The following KCNB2 variants were observed in gnomAD, a reference collection of about 807,000 sequenced individuals.
KCNB2 encodes delayed rectifier potassium channel protein.
In KCNB2, 15 loss-of-function variants were observed where a neutral mutation model predicts 61.5. The ratio of observed to expected loss-of-function variants is 0.24; its 90% CI spans 0.16 to 0.38. The LOEUF is 0.38. Ranked by LOEUF, KCNB2 falls within the 10% of genes least tolerant of loss-of-function variation. KCNB2 has a pLI of 1.00. For missense variants in KCNB2, 828 were observed against 1,125.2 expected, an observed-to-expected ratio of 0.74 and a Z score of 3.78; for synonymous variants, 457 against 446.0, an observed-to-expected ratio of 1.02 and a Z score of -0.31.
chr8:72,667,353 T>C (rs1806493764), intron 2 of KCNB2, among the ~76,000 whole-genome samples: 2 of 152,204 alleles, frequency 1.3e-5, no homozygotes, highest in Admixed American at 1.3e-4. Context: ...TAAGTATTAT[T>C]CATCTGTCCA....
intron 2 of KCNB2, among the ~76,000 whole-genome samples, chr8:72,736,360 C>T (rs999766681): frequency 1.3e-5 from 2 of 152,072 alleles, no homozygotes; most frequent in African/African-American, 2.4e-5. Context: ...TCTATTTTGA[C>T]GATGGAGAAC....
intron 2 of KCNB2, among the ~76,000 whole-genome samples, chr8:72,656,161 A>T (rs1412482728): frequency 6.6e-6 from 1 of 152,122 alleles, no homozygotes; most frequent in Admixed American, 6.6e-5. Context: ...CAGCACTGGG[A>T]CTTTCAGACC....
intron 2 of KCNB2, among the ~76,000 whole-genome samples, chr8:72,820,861 T>A (rs181608369): frequency 6.6e-6 from 1 of 152,324 alleles, no homozygotes; most frequent in African/African-American, 2.4e-5. Flanking sequence ...GTTCACTGGT[T>A]CTGCTAGTGT....
intron 2 of KCNB2, among the ~76,000 whole-genome samples, chr8:72,800,291 T>C (rs1302936663): frequency 3.3e-5 from 5 of 152,168 alleles, no homozygotes; most frequent in African/African-American, 1.2e-4. Context: ...ACTATCCTCC[T>C]TCAAGAAAAC....
At chr8:72,909,783 AGAG>A (rs1468794871) in intron 2 of KCNB2, among the ~76,000 whole-genome samples, 1 of 152,146 alleles carries the variant, frequency 6.6e-6, no homozygotes, top group African/African-American at 2.4e-5. Context: ...TAAGGGAAGA[AGAG>A]ATGAGGAATC....
At chr8:72,626,252 G>C (rs1422900237) in intron 2 of KCNB2, among the ~76,000 whole-genome samples, 1 of 152,122 alleles carries the variant, frequency 6.6e-6, no homozygotes, top group Non-Finnish European at 1.5e-5. Flanking sequence ...GAATACACAG[G>C]CCACAGTCCA....
At chr8:72,757,727 C>T (rs1482504184) in intron 2 of KCNB2, among the ~76,000 whole-genome samples, 2 of 152,126 alleles carry the variant, frequency 1.3e-5, no homozygotes, top group Non-Finnish European at 1.5e-5. Context: ...ATTTGAGCCT[C>T]CTTGTAGAAG....
At chr8:72,924,582 C>A (rs979636779) in intron 2 of KCNB2, among the ~76,000 whole-genome samples, 4 of 152,056 alleles carry the variant, frequency 2.6e-5, no homozygotes, top group African/African-American at 9.7e-5. Context: ...CATAACAGAA[C>A]CCAGGAGCAG....
intron 2 of KCNB2, among the ~76,000 whole-genome samples, chr8:72,887,311 A>G (rs1426143118): frequency 6.6e-6 from 1 of 152,184 alleles, no homozygotes; most frequent in Non-Finnish European, 1.5e-5. Flanking sequence ...CTACTTAGTG[A>G]CCAACCTTCC....
intron 2 of KCNB2, among the ~76,000 whole-genome samples, chr8:72,864,091 A>G (rs1045905065): frequency 5.3e-5 from 8 of 152,170 alleles, no homozygotes; most frequent in Non-Finnish European, 1.2e-4. Flanking sequence ...TCTCAAACCA[A>G]ACTCCAGACT....
chr8:72,918,289 C>T (rs184277848), intron 2 of KCNB2, among the ~76,000 whole-genome samples: 328 of 152,290 alleles, frequency 2.2e-3, no homozygotes, highest in Non-Finnish European at 3.8e-3. Flanking sequence ...GCTTTGTTCT[C>T]TTGTCTACTT....
At chr8:72,850,345 G>A (rs977949232) in intron 2 of KCNB2, among the ~76,000 whole-genome samples, 3 of 151,920 alleles carry the variant, frequency 2.0e-5, no homozygotes, top group South Asian at 2.1e-4. Context: ...TCAGCATCCC[G>A]AGTAACTGGA....
intron 1 of KCNB2, among the ~76,000 whole-genome samples, chr8:72,545,590 T>C (rs999483980): frequency 2.0e-5 from 3 of 152,090 alleles, no homozygotes; most frequent in African/African-American, 7.2e-5. Context: ...TCTCTCCCTC[T>C]GCTTGGGCCT....
intron 2 of KCNB2, among the ~76,000 whole-genome samples, chr8:72,934,320 G>A (rs1806854306): frequency 1.3e-5 from 2 of 148,788 alleles, no homozygotes; most frequent in South Asian, 2.1e-4. Flanking sequence ...GTTGCAGTGA[G>A]CTAGTGAGCT....
At chr8:72,727,395 C>A (rs1807670158) in intron 2 of KCNB2, among the ~76,000 whole-genome samples, 1 of 152,124 alleles carries the variant, frequency 6.6e-6, no homozygotes, top group Non-Finnish European at 1.5e-5. Flanking sequence ...GACTTTTGCT[C>A]CTCTTTTCTT....
At chr8:72,663,010 C>T (rs1563552460) in intron 2 of KCNB2, among the ~76,000 whole-genome samples, 2 of 152,148 alleles carry the variant, frequency 1.3e-5, no homozygotes, top group African/African-American at 4.8e-5. Context: ...ACCTGAGCTC[C>T]TCCCTACCAT....
At chr8:72,909,816 C>A (rs374228594) in intron 2 of KCNB2, among the ~76,000 whole-genome samples, 8 of 152,092 alleles carry the variant, frequency 5.3e-5, no homozygotes, top group Non-Finnish European at 1.0e-4. Flanking sequence ...TGCATCACTA[C>A]GGGATGGTGG....
chr8:72,619,093 AT>A, intron 2 of KCNB2: 3 of 290,886 alleles, frequency 1.0e-5, no homozygotes, highest in Non-Finnish European at 6.7e-6. Context: ...TCTTTTTGAC[AT>A]TTTTCCAATA....
chr8:72,615,302 C>T (rs964597211), intron 2 of KCNB2, among the ~76,000 whole-genome samples: 4 of 152,182 alleles, frequency 2.6e-5, no homozygotes. Flanking sequence ...TGTGAAAGCA[C>T]TTGGCAACCT....
Sources: gnomAD v4.1 joint callset for allele counts (sites outside exome capture counted in the v4.1 genomes callset) on GRCh38, gnomAD v4.1.1 for gene constraint, MANE v1.5 for transcripts, NCBI Gene and HGNC (gene_info 2026-07-23, HGNC 2026-07-21) for gene names.